The following AVEN variants were observed in gnomAD, a reference collection of about 807,000 sequenced individuals.
The protein encoded by AVEN is cell death regulator Aven.
In AVEN, 41 loss-of-function variants were observed where a neutral mutation model predicts 38.1. The observed-to-expected ratio is 1.08, with a 90% CI of 0.84 to 1.40. The LOEUF is 1.40. Among genes scored for constraint, AVEN ranks in the 40% most tolerant of loss-of-function variants. AVEN has a pLI of 0.00. For synonymous variants in AVEN, 206 were observed against 171.8 expected (o/e 1.20, Z -1.56); for missense variants, 605 against 438.8 (o/e 1.38, Z -3.38).
intron 4 of AVEN, 127 bp downstream of exon 4, chr15:33,870,808 C>G (rs1332872515): frequency 1.7e-6 from 1 of 588,084 alleles, no homozygotes; most frequent in Non-Finnish European, 2.7e-6. Context: ...AAAATGCTAC[C>G]TTGATATGAA....
chr15:34,027,342 C>CT (rs1898529149), intron 1 of AVEN, among the ~76,000 whole-genome samples: 1 of 152,008 alleles, frequency 6.6e-6, no homozygotes, highest in Non-Finnish European at 1.5e-5. Flanking sequence ...TGGCGAAACT[C>CT]TGTCTCTACT....
chr15:33,937,371 A>C (rs2153052652), intron 2 of AVEN, among the ~76,000 whole-genome samples: 2 of 151,090 alleles, frequency 1.3e-5, no homozygotes, highest in South Asian at 4.2e-4. Flanking sequence ...ATCTCTACTA[A>C]AAATACAAAA....
upstream of AVEN, among the ~76,000 whole-genome samples, chr15:34,039,776 T>A (rs958628195): frequency 5.9e-5 from 9 of 152,182 alleles, no homozygotes; most frequent in Non-Finnish European, 1.2e-4. Flanking sequence ...ATAACAGCTC[T>A]ATGAGGTAGG....
At chr15:33,860,133 G>T (rs2080179916) in intron 11 of AVEN, among the ~76,000 whole-genome samples, 1 of 152,188 alleles carries the variant, frequency 6.6e-6, no homozygotes, top group Non-Finnish European at 1.5e-5. Context: ...TCAACAGCTT[G>T]TCAAGATTGG....
chr15:33,921,681 G>C (rs1172305815), intron 2 of AVEN, among the ~76,000 whole-genome samples: 1 of 152,192 alleles, frequency 6.6e-6, no homozygotes, highest in East Asian at 1.9e-4. Context: ...GACATCATGA[G>C]GGTTTGAGCA....
chr15:33,865,436 T>G (rs569652283), downstream of AVEN: 1 of 507,298 alleles, frequency 2.0e-6, no homozygotes, highest in South Asian at 3.2e-5. Flanking sequence ...TGTCAAAATG[T>G]CGAAGAAGGA....
the AVEN span, chr15:33,853,703 C>A: frequency 6.2e-7 from 1 of 1,607,814 alleles, no homozygotes; most frequent in South Asian, 1.1e-5. Flanking sequence ...CTTAGGAGTT[C>A]AAATCCAAAG....
In AVEN at chr15:33,870,988, G is replaced by A; in HGVS notation, c.559C>T (p.Leu187Phe). ...YVDSELLVRA[L>F]QELPLCLRLN... ...CGGAGGCAGAGAGGCAGCTCTTGAA[G>A]GGCTCGAACCAATAACTCACTATCC... The change falls in exon 4 of 6, where the codon CTT becomes TTT. Residue 187 changes from leucine to phenylalanine, a missense_variant. Coordinates refer to ENST00000306730, the MANE Select transcript of AVEN (RefSeq NM_020371.3). The A allele has an allele frequency of 1.9e-6, 3 of 1,610,144 alleles. No individual in the cohort carries two copies. The highest frequency in any genetic ancestry group is 2.5e-6 in the Non-Finnish European group (3 of 1,177,656).
chr15:33,860,814 C>T (rs1033484921), intron 11 of AVEN, among the ~76,000 whole-genome samples: 2 of 152,154 alleles, frequency 1.3e-5, no homozygotes, highest in Non-Finnish European at 2.9e-5. Flanking sequence ...CTGCCATACC[C>T]CTGCCAGGCC....
chr15:34,060,720 T>C (rs567652040), intron 5 of AVEN, among the ~76,000 whole-genome samples: 147 of 152,178 alleles, frequency 9.7e-4, no homozygotes, highest in Non-Finnish European at 2.0e-3. Flanking sequence ...TACTAAAAAG[T>C]ACAAAAATTA....
At chr15:33,868,539 C>T (rs1437465777) in intron 4 of AVEN, among the ~76,000 whole-genome samples, 20 of 104,528 alleles carry the variant, frequency 1.9e-4, no homozygotes, top group East Asian at 1.8e-3. Flanking sequence ...AATGAGACTC[C>T]GTCTCAAAAA....
At chr15:33,888,303 TTG>T (rs367696343) in intron 2 of AVEN, among the ~76,000 whole-genome samples, 13 of 151,344 alleles carry the variant, frequency 8.6e-5, no homozygotes, top group Admixed American at 6.6e-4. Context: ...TATGGGAGCA[TTG>T]TGTGTGTGTG....
intron 2 of AVEN, among the ~76,000 whole-genome samples, chr15:33,908,990 A>T (rs1315152467): frequency 6.6e-6 from 1 of 152,186 alleles, no homozygotes; most frequent in East Asian, 1.9e-4. Context: ...TCAGAGATGC[A>T]CTGAAGTGTT....
downstream of AVEN, among the ~76,000 whole-genome samples, chr15:33,862,626 T>C (rs1318977150): frequency 6.6e-6 from 1 of 152,144 alleles, no homozygotes; most frequent in African/African-American, 2.4e-5. Context: ...TTTTGTTTTT[T>C]TATTTATTGA....
At chr15:34,060,365 T>C (rs1900293882) in intron 5 of AVEN, among the ~76,000 whole-genome samples, 1 of 152,076 alleles carries the variant, frequency 6.6e-6, no homozygotes, top group African/African-American at 2.4e-5. Context: ...TGCAAGACAA[T>C]ATCATCAACT....
chr15:33,997,374 C>G (rs1639020746), intron 2 of AVEN, among the ~76,000 whole-genome samples: 1 of 151,994 alleles, frequency 6.6e-6, no homozygotes, highest in South Asian at 2.1e-4. Flanking sequence ...CAGCAGTTCA[C>G]AAAGAAAGCA....
chr15:33,911,238 C>T (rs765488316), intron 2 of AVEN, among the ~76,000 whole-genome samples: 30 of 152,168 alleles, frequency 2.0e-4, no homozygotes, highest in Middle Eastern at 3.2e-3. Flanking sequence ...ATGGTTGAAA[C>T]TTGTTCTACT....
rs148740278 is a variant in AVEN at position 33,945,806 on chromosome 15, C to T, written c.445+57226G>A. Among the ~76,000 whole-genome samples, 1,241 of 152,180 alleles carry T rather than the reference C, an allele frequency of 8.2e-3. 14 individuals are homozygous for T. Among genetic ancestry groups the T allele is most frequent in the African/African-American group, 0.028 (1,183 of 41,512 alleles). ...TTCGCTATGTTGGCCAGGATAGTCT[C>T]GATCTCCTGACCTCATGATCCGCCC... On this transcript the variant is annotated intron_variant, in intron 2 of 5. Coordinates refer to ENST00000306730, the MANE Select transcript of AVEN (RefSeq NM_020371.3).
At chr15:33,862,380 T>C (rs898902782), downstream of AVEN, among the ~76,000 whole-genome samples, 1 of 151,998 alleles carries the variant, frequency 6.6e-6, no homozygotes, top group African/African-American at 2.4e-5. Flanking sequence ...AGCTAATTTT[T>C]TTTTTTGGTA....
Sources: allele counts gnomAD v4.1 joint callset (sites outside exome capture counted in the v4.1 genomes callset), GRCh38; gene constraint gnomAD v4.1.1; transcripts MANE v1.5; gene names NCBI Gene and HGNC (gene_info 2026-07-23, HGNC 2026-07-21).